The following ROBO1 variants were observed in gnomAD, a reference collection of about 807,000 sequenced individuals.
ROBO1 encodes roundabout homolog 1.
Under a neutral mutation model 195.9 loss-of-function variants are expected in ROBO1, and 149 were observed. The observed-to-expected ratio is 0.76, with a 90% confidence interval of 0.67 to 0.87. The LOEUF (loss-of-function observed/expected upper bound fraction) is 0.87, where lower values mean the gene tolerates loss of function less well. ROBO1 is among the 40% of genes least tolerant of loss of function. The pLI is 0.00. For synonymous variants in ROBO1, 816 were observed against 733.2 expected (o/e 1.11, Z -1.82); for missense variants, 1,933 against 2,068.3 (o/e 0.93, Z 1.27).
intron 3 of ROBO1, among the ~76,000 whole-genome samples, chr3:79,052,852 A>C (rs942495346): frequency 6.6e-6 from 1 of 152,098 alleles, no homozygotes; most frequent in African/African-American, 2.4e-5. Context: ...AAACTTGTTC[A>C]ACTCCCTGAC....
chr3:79,508,679 C>T (rs1940540415), intron 2 of ROBO1, among the ~76,000 whole-genome samples: 1 of 152,094 alleles, frequency 6.6e-6, no homozygotes, highest in Admixed American at 6.5e-5. Flanking sequence ...AAACAGAATG[C>T]AGGATCTGGC....
chr3:78,663,035 C>T (rs113598116), intron 14 of ROBO1, among the ~76,000 whole-genome samples: 3,056 of 152,142 alleles, frequency 0.02, 95 homozygotes, highest in African/African-American at 0.068. Flanking sequence ...CTTCAGAATT[C>T]TCTTTCTCAA....
intron 2 of ROBO1, among the ~76,000 whole-genome samples, chr3:79,488,325 A>G (rs759333444): frequency 1.3e-5 from 2 of 152,154 alleles, no homozygotes; most frequent in Non-Finnish European, 2.9e-5. Context: ...TTTTTCTTCA[A>G]AATATCATCA....
At chr3:78,703,568 A>AT (rs778590225) in intron 8 of ROBO1, among the ~76,000 whole-genome samples, 89 of 152,142 alleles carry the variant, frequency 5.8e-4, no homozygotes, top group Non-Finnish European at 1.1e-3. Flanking sequence ...TTTAATCCTT[A>AT]TTTTAACTAC....
chr3:78,657,071 T>C, intron 18 of ROBO1, 27 bp downstream of exon 18: 4 of 1,564,748 alleles, frequency 2.6e-6, no homozygotes, highest in Non-Finnish European at 3.5e-6. Flanking sequence ...TGAGAGATTG[T>C]CAAACTGGAT....
intron 2 of ROBO1, among the ~76,000 whole-genome samples, chr3:79,350,817 C>T (rs1262505879): frequency 1.3e-5 from 2 of 152,042 alleles, no homozygotes; most frequent in Non-Finnish European, 2.9e-5. Context: ...GCTAAAATTA[C>T]AAGAATTCTT....
intron 9 of ROBO1, among the ~76,000 whole-genome samples, chr3:78,686,164 T>C (rs1234765047): frequency 6.6e-6 from 1 of 152,196 alleles, no homozygotes; most frequent in Non-Finnish European, 1.5e-5. Context: ...CAAGGTTTAA[T>C]AATCTAACCT....
intron 2 of ROBO1, among the ~76,000 whole-genome samples, chr3:79,475,704 C>G (rs1417840981): frequency 2.0e-5 from 3 of 151,782 alleles, no homozygotes; most frequent in Non-Finnish European, 4.4e-5. Flanking sequence ...CAGAAAATGC[C>G]CTTTATTGCT....
At chr3:79,431,789 C>T (rs1285831217) in intron 2 of ROBO1, among the ~76,000 whole-genome samples, 1 of 152,098 alleles carries the variant, frequency 6.6e-6, no homozygotes, top group Non-Finnish European at 1.5e-5. Context: ...AATAATTTGA[C>T]ATTTTTATGT....
chr3:78,897,523 C>T (rs921647425), intron 4 of ROBO1, among the ~76,000 whole-genome samples: 2 of 152,158 alleles, frequency 1.3e-5, no homozygotes, highest in Non-Finnish European at 2.9e-5. Flanking sequence ...TAATTACAAT[C>T]TTAAATTAAT....
At chr3:79,272,245 C>T (rs2030631725) in intron 2 of ROBO1, among the ~76,000 whole-genome samples, 1 of 151,882 alleles carries the variant, frequency 6.6e-6, no homozygotes, top group Non-Finnish European at 1.5e-5. Context: ...ATAGAATTAG[C>T]TAATGAGAAA....
intron 1 of ROBO1, among the ~76,000 whole-genome samples, chr3:79,614,277 A>T (rs2107937121): frequency 6.6e-6 from 1 of 152,266 alleles, no homozygotes; most frequent in East Asian, 1.9e-4. Context: ...ACTTAAAAGA[A>T]TGAAATGGAG....
intron 15 of ROBO1, 129 bp from the exon 16 acceptor site, chr3:78,661,390 A>ATTTCT: frequency 6.0e-6 from 3 of 499,104 alleles, no homozygotes; most frequent in African/African-American, 1.9e-5. Context: ...TACACAAGAA[A>ATTTCT]TGTGTAAGAA....
chr3:79,600,569 G>T (rs1377968588), intron 1 of ROBO1, among the ~76,000 whole-genome samples: 2 of 151,902 alleles, frequency 1.3e-5, no homozygotes, highest in African/African-American at 4.8e-5. Context: ...GTTACCTCCA[G>T]AATTCCTTTA....
At chr3:78,654,307 G>A (rs1322385467) in intron 18 of ROBO1, among the ~76,000 whole-genome samples, 1 of 152,152 alleles carries the variant, frequency 6.6e-6, no homozygotes, top group Non-Finnish European at 1.5e-5. Flanking sequence ...TTCTTTAACA[G>A]AATTCCAGAT....
At chr3:78,860,327 T>TATATATATA (rs1491455003) in intron 4 of ROBO1, among the ~76,000 whole-genome samples, 24 of 12,576 alleles carry the variant, frequency 1.9e-3, no homozygotes, top group African/African-American at 4.4e-3. Context: ...TATATATATA[T>TATATATATA]TTTTTTTTTT....
chr3:79,120,421 A>G (rs942466613), intron 3 of ROBO1, among the ~76,000 whole-genome samples: 1 of 152,234 alleles, frequency 6.6e-6, no homozygotes, highest in Non-Finnish European at 1.5e-5. Flanking sequence ...AACAACAAGC[A>G]AGCGTGGACA....
chr3:79,755,082 G>A (rs1704318172), intron 1 of ROBO1, among the ~76,000 whole-genome samples: 1 of 151,958 alleles, frequency 6.6e-6, no homozygotes, highest in Non-Finnish European at 1.5e-5. Flanking sequence ...GTTTCACCAT[G>A]TTGGTCAGGC....
intron 14 of ROBO1, among the ~76,000 whole-genome samples, chr3:78,665,319 T>C (rs1037597070): frequency 1.3e-5 from 2 of 152,182 alleles, no homozygotes; most frequent in Non-Finnish European, 2.9e-5. Context: ...TCGGTTCAGA[T>C]GGGTGTTTTA....
Sources: allele counts gnomAD v4.1 joint callset (sites outside exome capture counted in the v4.1 genomes callset), GRCh38; gene constraint gnomAD v4.1.1; transcripts MANE v1.5; gene names NCBI Gene and HGNC (gene_info 2026-07-23, HGNC 2026-07-21).